The following SBNO1 variants were observed in gnomAD, a reference collection of about 807,000 sequenced individuals.
SBNO1 encodes the protein protein strawberry notch homolog 1.
Under a neutral mutation model 173.6 loss-of-function variants are expected in SBNO1, and 23 were observed. The observed-to-expected ratio is 0.13, with a 90% CI of 0.10 to 0.19. The LOEUF (loss-of-function observed/expected upper bound fraction) is 0.19. SBNO1 is among the 10% of genes least tolerant of loss of function. SBNO1 has a pLI of 1.00. For synonymous variants in SBNO1, 632 were observed against 571.5 expected (o/e 1.11, Z -1.51); for missense variants, 1,238 against 1,671.2 (o/e 0.74, Z 4.52).
chr12:123,332,040 A>G (rs1192249586), intron 7 of SBNO1, among the ~76,000 whole-genome samples: 2 of 145,184 alleles, frequency 1.4e-5, no homozygotes, highest in Non-Finnish European at 3.0e-5. Context: ...TTTAGTAGAC[A>G]GGGTTTCACC....
At chr12:123,332,758 G>C (rs1348920855) in intron 7 of SBNO1, among the ~76,000 whole-genome samples, 2 of 151,846 alleles carry the variant, frequency 1.3e-5, no homozygotes, top group Non-Finnish European at 2.9e-5. Context: ...GTAGAGACAG[G>C]GTTTCACCAC....
chr12:123,320,150 T>A, intron 19 of SBNO1, 119 bp from the exon 20 acceptor site: 1 of 1,147,860 alleles, frequency 8.7e-7, no homozygotes, highest in Non-Finnish European at 1.2e-6. Flanking sequence ...CACCACACAC[T>A]GAAGGATACA....
rs1189376450 is a variant in SBNO1 at position 123,363,600 on chromosome 12, G to A, written c.-1+1101C>T. 3.3e-5 allele frequency among the ~76,000 whole-genome samples: 5 copies of A among 152,184 alleles called. 1 individual carries two copies. The East Asian group carries it at 9.7e-4, about 29-fold the overall frequency. On this transcript the variant is annotated intron_variant, in intron 1 of 31. Coordinates refer to ENST00000602398, the MANE Select transcript of SBNO1 (RefSeq NM_001167856.3). ...CCAGTTTATAACCTTCCCTCAACAC[G>A]TGTTCAGTACAAACTTCCGGGTGCA...
At chr12:123,340,890 CA>C (rs1191128389) in intron 5 of SBNO1, 97 bp downstream of exon 5, 12 of 759,220 alleles carry the variant, frequency 1.6e-5, no homozygotes, top group East Asian at 2.7e-5. Flanking sequence ...CTTCCCAACC[CA>C]AAAACAGCTT....
At chr12:123,347,676 GCAC>G (rs2139064436) in intron 3 of SBNO1, among the ~76,000 whole-genome samples, 1 of 152,058 alleles carries the variant, frequency 6.6e-6, no homozygotes. Flanking sequence ...CTATAGGCGT[GCAC>G]CACCACACCA....
chr12:123,330,599 T>TAA (rs62719360), intron 8 of SBNO1, 90 bp from the exon 9 acceptor site: 20 of 505,992 alleles, frequency 4.0e-5, no homozygotes, highest in East Asian at 1.1e-4. Context: ...TCTTGACACT[T>TAA]AAAAAAAAAA....
At chr12:123,313,476 T>C (rs1868874234) in intron 24 of SBNO1, 144 bp downstream of exon 24, 1 of 501,794 alleles carries the variant, frequency 2.0e-6, no homozygotes, top group Non-Finnish European at 3.5e-6. Context: ...AAGATAATTA[T>C]GTGTCCTAGT....
chr12:123,307,774 T>G (rs1320603064), intron 28 of SBNO1, among the ~76,000 whole-genome samples: 1 of 151,738 alleles, frequency 6.6e-6, no homozygotes, highest in Non-Finnish European at 1.5e-5. Flanking sequence ...AAAGAAAAAT[T>G]AAAAAATTAG....
intron 3 of SBNO1, among the ~76,000 whole-genome samples, chr12:123,346,182 G>GA (rs1394243202): frequency 1.3e-5 from 2 of 152,156 alleles, no homozygotes; most frequent in African/African-American, 4.8e-5. Flanking sequence ...TTGGGAGGGT[G>GA]ACACAGGAGG....
intron 3 of SBNO1, 144 bp from the exon 4 acceptor site, chr12:123,345,714 G>T: frequency 1.4e-6 from 1 of 729,830 alleles, no homozygotes; most frequent in Non-Finnish European, 2.2e-6. Context: ...GTCTCATTCT[G>T]TCATGCAGGC....
rs61751327 is a variant in SBNO1, at chr12:123,315,391, C to T, written c.3102G>A (p.Arg1034=). 69,592 of 1,610,724 alleles carry T rather than the reference C, an allele frequency of 0.043. 2,552 individuals carry two copies. The highest frequency in any genetic ancestry group is 0.24 in the East Asian group (10,879 of 44,810). Residue 1034 remains arginine (R), a synonymous_variant, in exon 23 of 32, where the codon AGG becomes AGA. Coordinates refer to ENST00000602398, the MANE Select transcript of SBNO1 (RefSeq NM_001167856.3). ...AATGTACCTTATTATCAAAGTTGAACCTGCTCAGATCTCTAGATTCTGTTG... is the reference window on the plus strand; with the variant it reads ...AATGTACCTTATTATCAAAGTTGAATCTGCTCAGATCTCTAGATTCTGTTG... The part of the protein sequence containing the change: ...RRATESRDLS[R]FNFDNKYGRN...
At position 123,293,268 on chromosome 12, in the gene SBNO1, G is replaced by T. The variant is rs10846506; in HGVS notation, c.*2640C>A. ...TGGTACAGATGGGGTTTTGCCATGT[G>T]GACCAGGCTGGTCTCGAACTCCTGG... On this transcript the variant is annotated 3_prime_UTR_variant, in exon 32 of 32. Transcript: ENST00000602398. 16,793 of 152,168 alleles carry T rather than the reference G, an allele frequency of 0.11. 1,051 individuals are homozygous for T. The highest frequency in any genetic ancestry group is 0.29 in the East Asian group (1,504 of 5,182). 9.4% of individuals were successfully genotyped at this position (152,168 alleles called of 1,614,324 possible).
At chr12:123,363,576 C>T (rs1445783812) in intron 1 of SBNO1, among the ~76,000 whole-genome samples, 3 of 152,062 alleles carry the variant, frequency 2.0e-5, no homozygotes, top group Non-Finnish European at 4.4e-5. Flanking sequence ...CAAAGGGGAC[C>T]AGTTTATAAC....
At chr12:123,308,624 G>A (rs931844242) in intron 28 of SBNO1, among the ~76,000 whole-genome samples, 4 of 151,842 alleles carry the variant, frequency 2.6e-5, no homozygotes, top group East Asian at 3.9e-4. Context: ...GCAGTGAGCC[G>A]AGATCGCACC....
intron 5 of SBNO1, among the ~76,000 whole-genome samples, chr12:123,339,297 C>A (rs1212873317): frequency 1.3e-5 from 2 of 151,974 alleles, no homozygotes; most frequent in Admixed American, 6.6e-5. Context: ...GTTTTTCAAT[C>A]CCCTCTGCAA....
intron 29 of SBNO1, among the ~76,000 whole-genome samples, chr12:123,304,131 A>C (rs1222272509): frequency 6.6e-6 from 1 of 152,122 alleles, no homozygotes; most frequent in Admixed American, 6.6e-5. Flanking sequence ...AGGTTTCGCC[A>C]TATGGGCCAG....
intron 1 of SBNO1, among the ~76,000 whole-genome samples, chr12:123,356,090 C>T (rs1874429363): frequency 6.6e-6 from 1 of 152,154 alleles, no homozygotes; most frequent in East Asian, 1.9e-4. Context: ...CAGTAGCACA[C>T]CACAGTGGCT....
intron 23 of SBNO1, 98 bp from the exon 24 acceptor site, chr12:123,313,817 G>C: frequency 1.5e-6 from 1 of 685,662 alleles, no homozygotes. Context: ...GGCTGGGTGC[G>C]GTGGCTCATG....
In SBNO1 at chr12:123,328,756, C is replaced by A; in HGVS notation, c.1274G>T (p.Cys425Phe). The A allele has an allele frequency of 6.3e-7, 1 of 1,588,828 alleles. No homozygotes were observed. The highest frequency in any genetic ancestry group is 8.6e-7 in the Non-Finnish European group (1 of 1,165,446). The stretch of plus-strand genomic sequence containing the variant: ...TACCACTCCATCGAAGTCATCACCG[C>A]ACCAATGCAGAAGTTGTTTTAACCT... Reference protein sequence around the residue: ...KTRLKQLLHWCGDDFDGVIVF... With the variant: ...KTRLKQLLHWFGDDFDGVIVF... Residue 425 changes from cysteine to phenylalanine, a missense_variant, in exon 10 of 32, where the codon TGC becomes TTC. This residue lies in a region of SBNO1 where 182 missense variants were observed against 339.9 expected (regional missense o/e 0.54). Transcript: ENST00000602398.
Sources: gnomAD v4.1 joint callset for allele counts (sites outside exome capture counted in the v4.1 genomes callset) on GRCh38, gnomAD v4.1.1 for gene constraint, gnomAD v4.1.1 regional missense constraint, MANE v1.5 for transcripts, NCBI Gene and HGNC (gene_info 2026-07-23, HGNC 2026-07-21) for gene names.